CCDC91: variants seen among roughly 807,000 people sequenced by gnomAD.
CCDC91 encodes the protein coiled-coil domain-containing protein 91.
CCDC91 carries 48 observed loss-of-function variants against 63.2 expected under a neutral mutation model. The observed-to-expected ratio is 0.76, with a 90% CI of 0.60 to 0.97. CCDC91 has a LOEUF of 0.97. CCDC91 is among the 50% of genes least tolerant of loss of function. The pLI, the probability that CCDC91 is intolerant of heterozygous loss-of-function variation, is 0.00. For synonymous variants in CCDC91, 167 were observed against 165.8 expected (o/e 1.01, Z -0.06); for missense variants, 500 against 494.6 (o/e 1.01, Z -0.10).
intron 8 of CCDC91, among the ~76,000 whole-genome samples, chr12:28,437,580 T>G (rs1416626581): frequency 6.6e-6 from 1 of 152,096 alleles, no homozygotes; most frequent in African/African-American, 2.4e-5. Context: ...TTCAATATTA[T>G]GTACTGGTCT....
intron 8 of CCDC91, among the ~76,000 whole-genome samples, chr12:28,421,319 C>G (rs1399582841): frequency 6.6e-6 from 1 of 151,970 alleles, no homozygotes; most frequent in Non-Finnish European, 1.5e-5. Context: ...GGTAATAAGC[C>G]TAGTACCCAG....
At chr12:28,438,583 A>G (rs756125071) in intron 8 of CCDC91, among the ~76,000 whole-genome samples, 7 of 152,122 alleles carry the variant, frequency 4.6e-5, no homozygotes, top group Non-Finnish European at 1.0e-4. Context: ...TACATGCATT[A>G]TTTATTTCAA....
intron 12 of CCDC91, among the ~76,000 whole-genome samples, chr12:28,532,346 T>A (rs1384385587): frequency 1.3e-5 from 2 of 152,142 alleles, no homozygotes; most frequent in Non-Finnish European, 2.9e-5. Flanking sequence ...TCATGTAGTA[T>A]CTTATTATGT....
At chr12:28,532,004 C>T (rs1409399608) in intron 12 of CCDC91, among the ~76,000 whole-genome samples, 1 of 151,946 alleles carries the variant, frequency 6.6e-6, no homozygotes, top group African/African-American at 2.4e-5. Flanking sequence ...GATCAGGCCT[C>T]AGAGATTAAC....
chr12:28,430,756 C>T (rs1948584096), intron 8 of CCDC91, among the ~76,000 whole-genome samples: 1 of 152,114 alleles, frequency 6.6e-6, no homozygotes, highest in Admixed American at 6.6e-5. Context: ...GTCATACTCA[C>T]TGTTACCCAG....
chr12:28,526,114 G>T (rs1422775681), intron 12 of CCDC91, among the ~76,000 whole-genome samples: 2 of 149,896 alleles, frequency 1.3e-5, no homozygotes, highest in Non-Finnish European at 3.0e-5. Flanking sequence ...GAGATGTGAG[G>T]TACTATTCCA....
At chr12:28,369,820 G>A (rs1273002870) in intron 7 of CCDC91, among the ~76,000 whole-genome samples, 1 of 152,170 alleles carries the variant, frequency 6.6e-6, no homozygotes, top group Non-Finnish European at 1.5e-5. Flanking sequence ...CAAGGCTTGG[G>A]GCTTACACCC....
chr12:28,254,907 G>T (rs892660476), intron 1 of CCDC91, among the ~76,000 whole-genome samples: 36 of 151,878 alleles, frequency 2.4e-4, no homozygotes, highest in Non-Finnish European at 2.9e-4. Context: ...AAGTAGCTGG[G>T]ATTACAGTCG....
chr12:28,548,964 G>C, intron 12 of CCDC91, 99 bp from the exon 13 acceptor site: 1 of 705,828 alleles, frequency 1.4e-6, no homozygotes, highest in South Asian at 1.9e-5. Context: ...GTCTCATCTG[G>C]AAAGTTTTTT....
At chr12:28,529,823 C>A (rs1035343511) in intron 12 of CCDC91, among the ~76,000 whole-genome samples, 1 of 152,010 alleles carries the variant, frequency 6.6e-6, no homozygotes, top group Non-Finnish European at 1.5e-5. Flanking sequence ...CCATATATGT[C>A]TTTTTTTCAA....
At chr12:28,358,965 G>A (rs554150080) in intron 6 of CCDC91, among the ~76,000 whole-genome samples, 12 of 151,994 alleles carry the variant, frequency 7.9e-5, no homozygotes, top group East Asian at 1.9e-4. Context: ...GCGCGATCTC[G>A]GCTCACCGCA....
At chr12:28,501,886 C>T (rs1937931700) in intron 12 of CCDC91, among the ~76,000 whole-genome samples, 1 of 151,462 alleles carries the variant, frequency 6.6e-6, no homozygotes, top group South Asian at 2.1e-4. Flanking sequence ...ATTTCAGAGC[C>T]TGTTATTGGT....
intron 8 of CCDC91, among the ~76,000 whole-genome samples, chr12:28,411,201 C>G (rs201878211): frequency 6.6e-6 from 1 of 151,922 alleles, no homozygotes; most frequent in East Asian, 1.9e-4. Flanking sequence ...ATAGTTCACT[C>G]AGACATTGTT....
chr12:28,294,882 A>G (rs990266823), intron 3 of CCDC91, among the ~76,000 whole-genome samples: 2 of 152,018 alleles, frequency 1.3e-5, no homozygotes, highest in African/African-American at 4.8e-5. Context: ...ACTACGCTTG[A>G]CCTAAACCTG....
intron 8 of CCDC91, among the ~76,000 whole-genome samples, chr12:28,414,625 C>T (rs1335998252): frequency 6.6e-6 from 1 of 152,114 alleles, no homozygotes; most frequent in Non-Finnish European, 1.5e-5. Flanking sequence ...GGCATTTGAT[C>T]ACACTTGGCT....
At chr12:28,358,035 G>A (rs1005445897) in intron 6 of CCDC91, among the ~76,000 whole-genome samples, 1 of 152,134 alleles carries the variant, frequency 6.6e-6, no homozygotes, top group African/African-American at 2.4e-5. Flanking sequence ...TTGTATGATT[G>A]CCATTAGTAA....
intron 11 of CCDC91, among the ~76,000 whole-genome samples, chr12:28,480,724 A>G (rs1373545137): frequency 1.3e-5 from 2 of 152,010 alleles, no homozygotes; most frequent in Non-Finnish European, 2.9e-5. Context: ...AAAACACACA[A>G]TTTCCCCAGA....
intron 12 of CCDC91, among the ~76,000 whole-genome samples, chr12:28,522,293 A>C (rs1247085767): frequency 2.0e-5 from 3 of 152,126 alleles, no homozygotes; most frequent in Admixed American, 6.6e-5. Flanking sequence ...TTCCTGGTTT[A>C]GTCTTGGGAG....
At chr12:28,451,522 C>T (rs1025820543) in intron 10 of CCDC91, among the ~76,000 whole-genome samples, 4 of 151,566 alleles carry the variant, frequency 2.6e-5, no homozygotes, top group Admixed American at 1.3e-4. Context: ...AAACTCGTAT[C>T]TGTTTTCCAA....
Sources: gnomAD v4.1 joint callset for allele counts (sites outside exome capture counted in the v4.1 genomes callset) on GRCh38, gnomAD v4.1.1 for gene constraint, MANE v1.5 for transcripts, NCBI Gene and HGNC (gene_info 2026-07-23, HGNC 2026-07-21) for gene names.